The following TTC6 variants were observed in gnomAD, a reference collection of about 807,000 sequenced individuals.
The protein encoded by TTC6 is tetratricopeptide repeat domain 6.
A neutral mutation model predicts 210.4 loss-of-function variants in TTC6; 172 were observed. That is an observed-to-expected ratio of 0.82 (90% confidence interval 0.72 to 0.93). The LOEUF is 0.93. Among genes scored for constraint, TTC6 ranks in the 40% least tolerant of loss-of-function variants. The pLI is 0.00. For synonymous variants in TTC6, 804 were observed against 819.6 expected (o/e 0.98, Z 0.32); for missense variants, 2,414 against 2,318.1 (o/e 1.04, Z -0.85).
chr14:37,623,110 A>T (rs2095654610), intron 1 of TTC6, 107 bp downstream of exon 3: 1 of 781,632 alleles, frequency 1.3e-6, no homozygotes, highest in African/African-American at 1.8e-5. Flanking sequence ...ATAAGGTGTC[A>T]TGTATTATAA....
chr14:37,732,701 C>A (rs554578400), intron 7 of TTC6, among the ~76,000 whole-genome samples: 1 of 151,774 alleles, frequency 6.6e-6, no homozygotes, highest in Non-Finnish European at 1.5e-5. Context: ...TCACTGCAAG[C>A]TCCGCCTCCT....
At chr14:37,725,310 GTGTATATATATATATATATA>G (rs1385164236) in intron 7 of TTC6, among the ~76,000 whole-genome samples, 43 of 55,716 alleles carry the variant, frequency 7.7e-4, no homozygotes, top group East Asian at 1.4e-3. Flanking sequence ...GTGTGTGTGT[GTGTATATATATATATATATA>G]TATATATATA....
At chr14:37,643,317 C>CA (rs1332178703) in intron 1 of TTC6, among the ~76,000 whole-genome samples, 1 of 151,972 alleles carries the variant, frequency 6.6e-6, no homozygotes, top group Non-Finnish European at 1.5e-5. Context: ...CAAAACAAAA[C>CA]AAAAAACACC....
chr14:37,654,368 C>G (rs962823712), intron 1 of TTC6, among the ~76,000 whole-genome samples: 2 of 151,988 alleles, frequency 1.3e-5, no homozygotes, highest in African/African-American at 4.8e-5. Flanking sequence ...CTTATGTACC[C>G]ACAAAAAATT....
chr14:37,715,364 G>A (rs937272226), intron 6 of TTC6, among the ~76,000 whole-genome samples: 7 of 152,022 alleles, frequency 4.6e-5, no homozygotes, highest in Non-Finnish European at 8.8e-5. Context: ...TTTGGCAAAA[G>A]GCAGAAAGCT....
intron 14 of TTC6, among the ~76,000 whole-genome samples, chr14:37,782,059 G>A (rs1359603380): frequency 1.4e-4 from 21 of 152,096 alleles, no homozygotes; most frequent in Admixed American, 2.6e-4. Context: ...GTCAGGTAGC[G>A]TGATGCCTCC....
intron 14 of TTC6, among the ~76,000 whole-genome samples, chr14:37,767,620 G>A (rs991048783): frequency 1.8e-4 from 28 of 152,082 alleles, no homozygotes; most frequent in African/African-American, 6.5e-4. Context: ...GTCTGTTCAT[G>A]TCCTTCGCCT....
chr14:37,822,144 T>G (rs2139487702), intron 26 of TTC6, among the ~76,000 whole-genome samples: 1 of 152,334 alleles, frequency 6.6e-6, no homozygotes. Flanking sequence ...TTCTGCAGAA[T>G]AAAGTATCCA....
At chr14:37,718,566 T>C (rs1234716655) in intron 6 of TTC6, among the ~76,000 whole-genome samples, 1 of 151,660 alleles carries the variant, frequency 6.6e-6, no homozygotes, top group Non-Finnish European at 1.5e-5. Context: ...AAAAAAAAGC[T>C]TGCAGACCAG....
At chr14:37,681,769 T>G (rs1213046688) in intron 2 of TTC6, among the ~76,000 whole-genome samples, 4 of 152,072 alleles carry the variant, frequency 2.6e-5, no homozygotes, top group African/African-American at 9.7e-5. Flanking sequence ...CCTTTGAAAA[T>G]TTTGGACTTG....
At chr14:37,760,289 G>C (rs1011951160) in intron 14 of TTC6, among the ~76,000 whole-genome samples, 3 of 152,266 alleles carry the variant, frequency 2.0e-5, no homozygotes, top group Admixed American at 6.5e-5. Context: ...GTTTGCTGGA[G>C]GTTCACTTCA....
intron 10 of TTC6, among the ~76,000 whole-genome samples, chr14:37,741,272 ACTTTTTTTTTTTTTT>A (rs1408652279): frequency 6.8e-5 from 7 of 102,708 alleles, no homozygotes; most frequent in African/African-American, 3.5e-4. Flanking sequence ...CTTTTTTCCC[ACTTTTTTTTTTTTTT>A]TTTTTTTTTT....
At chr14:37,642,647 T>C (rs998779140) in intron 1 of TTC6, among the ~76,000 whole-genome samples, 1 of 152,204 alleles carries the variant, frequency 6.6e-6, no homozygotes, top group Admixed American at 6.5e-5. Context: ...GAAGAAGAGC[T>C]ACTTTGACTC....
chr14:37,771,445 C>T (rs142310570), intron 14 of TTC6, among the ~76,000 whole-genome samples: 20 of 152,300 alleles, frequency 1.3e-4, no homozygotes, highest in African/African-American at 4.3e-4. Flanking sequence ...GTACACCAAT[C>T]GGACGTAGAT....
intron 7 of TTC6, among the ~76,000 whole-genome samples, chr14:37,730,566 A>G (rs1258565407): frequency 6.6e-6 from 1 of 152,076 alleles, no homozygotes. Flanking sequence ...TTCTTTCCAC[A>G]ATTTCTTCTG....
chr14:37,627,031 G>C (rs1300379554), intron 1 of TTC6, among the ~76,000 whole-genome samples: 1 of 152,072 alleles, frequency 6.6e-6, no homozygotes, highest in Admixed American at 6.6e-5. Context: ...CTCATGGCTT[G>C]GTGCTCTCTT....
chr14:37,774,471 G>A (rs1434509681), intron 14 of TTC6, among the ~76,000 whole-genome samples: 1 of 151,646 alleles, frequency 6.6e-6, no homozygotes, highest in Non-Finnish European at 1.5e-5. Context: ...TAACATAAAG[G>A]TTTCTGCGTC....
intron 7 of TTC6, among the ~76,000 whole-genome samples, chr14:37,726,217 G>C (rs1290578265): frequency 6.6e-6 from 1 of 151,950 alleles, no homozygotes; most frequent in Non-Finnish European, 1.5e-5. Flanking sequence ...ATCAGAAAAG[G>C]ATAAAACAAA....
At chr14:37,630,816 T>G (rs1296645687) in intron 1 of TTC6, among the ~76,000 whole-genome samples, 2 of 151,852 alleles carry the variant, frequency 1.3e-5, no homozygotes, top group Non-Finnish European at 2.9e-5. Context: ...GTTGCATTGA[T>G]CCCTTTACCA....
Sources: allele counts gnomAD v4.1 joint callset (sites outside exome capture counted in the v4.1 genomes callset), GRCh38; gene constraint gnomAD v4.1.1; transcripts MANE v1.5; gene names NCBI Gene and HGNC (gene_info 2026-07-23, HGNC 2026-07-21).